Variants in MANBA observed in about 807,000 individuals in gnomAD.
The protein encoded by MANBA is mannosidase beta.
Under a neutral mutation model 111.1 loss-of-function variants are expected in MANBA, and 83 were observed. The ratio of observed to expected loss-of-function variants is 0.75; its 90% CI spans 0.63 to 0.90. The LOEUF is 0.90. Among genes scored for constraint, MANBA ranks in the 40% least tolerant of loss-of-function variants. MANBA has a pLI of 0.00. For missense variants in MANBA, 1,036 were observed against 1,069.0 expected (o/e 0.97, Z 0.43); for synonymous variants, 370 against 378.7 (o/e 0.98, Z 0.27).
intron 5 of MANBA, among the ~76,000 whole-genome samples, chr4:102,694,299 C>T (rs1451886845): frequency 2.6e-5 from 4 of 152,186 alleles, no homozygotes; most frequent in Non-Finnish European, 4.4e-5. Flanking sequence ...TTTTTCCCCT[C>T]TCCTCTTCTT....
chr4:102,734,646 G>A (rs1228653977), intron 1 of MANBA: 9 of 1,487,868 alleles, frequency 6.0e-6, no homozygotes, highest in Admixed American at 5.2e-5. Context: ...AGACAGGCAG[G>A]GAGAGGGCCT....
At chr4:102,638,603 T>A (rs1359121320) in intron 14 of MANBA, among the ~76,000 whole-genome samples, 1 of 152,146 alleles carries the variant, frequency 6.6e-6, no homozygotes, top group Non-Finnish European at 1.5e-5. Context: ...CACAACCTCA[T>A]CCACAGACAG....
rs1729616711 is a variant in MANBA at position 102,636,004 on chromosome 4, T to C, written c.2018A>G (p.Tyr673Cys). ...WQAPSWASLEYGGKWKMLHYF... is the reference protein window; with the variant it reads ...WQAPSWASLECGGKWKMLHYF... Reference sequence around the variant, plus strand: ...ATGAAGCATTTTCCACTTTCCTCCGTACTCTGAAAATAATCAAGAGTGTCA... The same window carrying C: ...ATGAAGCATTTTCCACTTTCCTCCGCACTCTGAAAATAATCAAGAGTGTCA... The change falls in exon 15 of 17, where the codon TAC becomes TGC. Residue 673 changes from tyrosine to cysteine, a missense_variant. Tyr to Cys is a radical substitution (Grantham distance 194). Transcript: ENST00000647097. The C allele has an allele frequency of 1.9e-6, 3 of 1,613,544 alleles. No individual in the cohort carries two copies. The highest frequency in any genetic ancestry group is 1.7e-5 in the Admixed American group (1 of 60,026).
chr4:102,737,123 A>T (rs1318901139), intron 1 of MANBA, among the ~76,000 whole-genome samples: 3 of 152,184 alleles, frequency 2.0e-5, no homozygotes, highest in African/African-American at 7.2e-5. Flanking sequence ...GGGGAAGGGA[A>T]GGCACCCAGC....
Position 102,664,842 on chromosome 4 carries a change from A to G in MANBA, c.1328T>C (p.Leu443Pro), listed in dbSNP as rs754445523. The G allele has an allele frequency of 6.2e-7, 1 of 1,603,238 alleles. No individual in the cohort carries two copies. The highest frequency in any genetic ancestry group is 1.1e-5 in the South Asian group (1 of 90,878). ...TAEVAYQIKR[L>P]KSHPSIIIWS... ...TATGATGATAGAAGGATGAGATTTC[A>G]GTCTCTTGATCTGAAAATTAAGAAA... The change falls in exon 11 of 17, where the codon CTG becomes CCG. Residue 443 changes from leucine to proline, a missense_variant. Coordinates refer to ENST00000647097, the MANE Select transcript of MANBA (RefSeq NM_005908.4).
At chr4:102,681,285 G>T (rs975592027) in intron 7 of MANBA, among the ~76,000 whole-genome samples, 1 of 152,122 alleles carries the variant, frequency 6.6e-6, no homozygotes, top group African/African-American at 2.4e-5. Context: ...GTTCAAAGCT[G>T]CAGTGAGCTA....
intron 13 of MANBA, among the ~76,000 whole-genome samples, chr4:102,649,670 G>C (rs1016348545): frequency 3.3e-5 from 5 of 151,868 alleles, no homozygotes; most frequent in African/African-American, 1.2e-4. Context: ...TAAAACTATT[G>C]GTCCCCAATT....
At chr4:102,642,620 G>GA (rs1285620434) in intron 13 of MANBA, among the ~76,000 whole-genome samples, 4 of 151,828 alleles carry the variant, frequency 2.6e-5, no homozygotes, top group Non-Finnish European at 4.4e-5. Context: ...AAGAAGAAAA[G>GA]AAAAAAATGC....
intron 14 of MANBA, among the ~76,000 whole-genome samples, 176 bp downstream of exon 14, chr4:102,639,537 A>G (rs1193913443): frequency 6.6e-6 from 1 of 152,166 alleles, no homozygotes; most frequent in East Asian, 1.9e-4. Flanking sequence ...GGCTCATGGA[A>G]AGGCTACTAA....
At chr4:102,641,536 T>A (rs1245139104) in intron 13 of MANBA, among the ~76,000 whole-genome samples, 1 of 152,146 alleles carries the variant, frequency 6.6e-6, no homozygotes, top group Non-Finnish European at 1.5e-5. Context: ...GACAAAGCAA[T>A]GTCTTCTCAT....
chr4:102,710,526 G>A (rs910950587), intron 5 of MANBA, among the ~76,000 whole-genome samples: 1 of 151,994 alleles, frequency 6.6e-6, no homozygotes, highest in African/African-American at 2.4e-5. Context: ...CAAACAAATC[G>A]AAAAACATCC....
intron 1 of MANBA, chr4:102,734,714 G>A (rs1454929953): frequency 7.7e-6 from 6 of 782,792 alleles, no homozygotes; most frequent in Non-Finnish European, 1.0e-5. Context: ...CCAGGTTCAG[G>A]GTCTGAGGAG....
chr4:102,674,243 A>C (rs575562077), intron 7 of MANBA, among the ~76,000 whole-genome samples, 173 bp from the exon 8 acceptor site: 1 of 152,206 alleles, frequency 6.6e-6, no homozygotes, highest in African/African-American at 2.4e-5. Flanking sequence ...TACACATATA[A>C]ATTATTGCTA....
At chr4:102,664,994 C>T in intron 10 of MANBA, 142 bp from the exon 11 acceptor site, 4 of 641,722 alleles carry the variant, frequency 6.2e-6, no homozygotes, top group South Asian at 5.7e-5. Context: ...AATGGCTAGT[C>T]ATGTTAGCTG....
intron 1 of MANBA, chr4:102,730,234 A>G (rs180679032): frequency 1.7e-6 from 1 of 579,658 alleles, no homozygotes. Flanking sequence ...GGAGTGGAGA[A>G]GCTGCTTCTT....
chr4:102,739,914 T>C (rs1196695099), intron 1 of MANBA, among the ~76,000 whole-genome samples: 1 of 152,152 alleles, frequency 6.6e-6, no homozygotes, highest in Non-Finnish European at 1.5e-5. Context: ...ACAACTTCTC[T>C]TTGACATAGG....
rs747276423 is a variant in MANBA at position 102,664,498 on chromosome 4, GC to G, written c.1485+186del. The stretch of plus-strand genomic sequence containing the variant: ...CGAGTAGCTGGGACTACAGGCGCCC[GC>G]CACCGCGCCCAGCTAATTTTTTTTG... On this transcript the variant is annotated intron_variant, in intron 11 of 16. Coordinates refer to ENST00000647097, the MANE Select transcript of MANBA (RefSeq NM_005908.4). Among the ~76,000 whole-genome samples, 98 of 152,082 alleles carry G rather than the reference GC, an allele frequency of 6.4e-4. 2 individuals are homozygous for G. The highest frequency in any genetic ancestry group is 7.2e-4 in the Admixed American group (11 of 15,278).
Position 102,632,174 on chromosome 4 carries a change from G to A in MANBA, c.2523C>T (p.Asp841=). ...DVGSIPGRFS[D]NGFLMTEKTR... ...TCTTCTCAGTCATGAGGAAACCATT[G>A]TCACTAAATCTCCCTGGGATGCTTC... The change falls in exon 17 of 17, where the codon GAC becomes GAT. Residue 841 remains aspartate (D), a synonymous_variant. Transcript: ENST00000647097. 6.2e-7 allele frequency: 1 copy of A among 1,613,116 alleles called. No homozygotes were observed. Among genetic ancestry groups the A allele is most frequent in the East Asian group, 2.2e-5 (1 of 44,884 alleles).
chr4:102,699,948 T>C (rs1475050732), intron 5 of MANBA, among the ~76,000 whole-genome samples: 2 of 152,028 alleles, frequency 1.3e-5, no homozygotes, highest in African/African-American at 4.8e-5. Flanking sequence ...AGTTCCTCCT[T>C]GTACCTCTGG....
Sources: gnomAD v4.1 joint callset for allele counts (sites outside exome capture counted in the v4.1 genomes callset) on GRCh38, gnomAD v4.1.1 for gene constraint, MANE v1.5 for transcripts, NCBI Gene and HGNC (gene_info 2026-07-23, HGNC 2026-07-21) for gene names.